GABRA2: variants seen among roughly 807,000 people sequenced by gnomAD.
GABRA2 encodes gamma-aminobutyric acid receptor subunit alpha-2.
GABRA2 carries 16 observed loss-of-function variants against 48.7 expected under a neutral mutation model. That is an observed-to-expected ratio of 0.33 (90% CI 0.22 to 0.50). GABRA2 has a LOEUF of 0.50. Ranked by LOEUF, GABRA2 falls within the 20% of genes least tolerant of loss-of-function variation. GABRA2 has a pLI of 0.98. For synonymous variants in GABRA2, 185 were observed against 184.5 expected (o/e 1.00, Z -0.02); for missense variants, 275 against 535.6 (o/e 0.51, Z 4.80).
chr4:46,300,607 T>G lies in GABRA2; in HGVS notation c.856+2853A>C, dbSNP rs550654526. Among the ~76,000 whole-genome samples, 87 of 152,152 alleles carry G rather than the reference T, an allele frequency of 5.7e-4. 1 individual carries two copies. Among genetic ancestry groups the G allele is most frequent in the African/African-American group, 2.0e-3 (83 of 41,560 alleles). On this transcript the variant is annotated intron_variant, in intron 8 of 9. Coordinates refer to ENST00000381620, the MANE Select transcript of GABRA2 (RefSeq NM_000807.4). Reference sequence around the variant, plus strand: ...TTTCTATTGTCTACTGAACATCAAATTGATACTATAAGGAACATCAAAATA... The same window carrying G: ...TTTCTATTGTCTACTGAACATCAAAGTGATACTATAAGGAACATCAAAATA...
At chr4:46,291,663 G>C (rs1170009998) in intron 8 of GABRA2, among the ~76,000 whole-genome samples, 1 of 151,902 alleles carries the variant, frequency 6.6e-6, no homozygotes, top group East Asian at 1.9e-4. Flanking sequence ...CGCACCCCAA[G>C]TTCTTCAGCT....
chr4:46,296,089 T>G (rs1724586967), intron 8 of GABRA2, among the ~76,000 whole-genome samples: 1 of 152,084 alleles, frequency 6.6e-6, no homozygotes, highest in Non-Finnish European at 1.5e-5. Flanking sequence ...GCCAACTAGG[T>G]GACAATACTT....
intron 4 of GABRA2, among the ~76,000 whole-genome samples, chr4:46,327,013 A>G (rs1324158340): frequency 6.6e-6 from 1 of 151,930 alleles, no homozygotes; most frequent in Admixed American, 6.6e-5. Context: ...GAACTTTTAA[A>G]TCTTTTCAGT....
At chr4:46,253,903 A>G (rs1715295207) in intron 9 of GABRA2, among the ~76,000 whole-genome samples, 1 of 151,514 alleles carries the variant, frequency 6.6e-6, no homozygotes, top group Admixed American at 6.6e-5. Flanking sequence ...TAAAAGTAAT[A>G]ACTGCAAATC....
chr4:46,312,809 C>T, intron 4 of GABRA2, 93 bp from the exon 5 acceptor site: 1 of 662,736 alleles, frequency 1.5e-6, no homozygotes. Context: ...TTAATTTAAA[C>T]AGAGAGAGCT....
At chr4:46,273,900 T>G (rs1719980258) in intron 8 of GABRA2, among the ~76,000 whole-genome samples, 1 of 152,172 alleles carries the variant, frequency 6.6e-6, no homozygotes, top group African/African-American at 2.4e-5. Context: ...GTTCCCGAGT[T>G]TAAGGGCATC....
chr4:46,258,253 T>C (rs1184282783), intron 9 of GABRA2, among the ~76,000 whole-genome samples: 1 of 151,758 alleles, frequency 6.6e-6, no homozygotes, highest in African/African-American at 2.4e-5. Flanking sequence ...AAGTGATGTG[T>C]TAAACAAAAA....
intron 6 of GABRA2, among the ~76,000 whole-genome samples, chr4:46,308,334 G>C (rs2109662719): frequency 6.6e-6 from 1 of 152,256 alleles, no homozygotes; most frequent in Admixed American, 6.5e-5. Context: ...TGCTTCTTTT[G>C]ATTGAGGACA....
chr4:46,278,777 G>C (rs113500044), intron 8 of GABRA2, among the ~76,000 whole-genome samples: 1,889 of 151,974 alleles, frequency 0.012, 44 homozygotes, highest in African/African-American at 0.043. Flanking sequence ...AGTATTTCTA[G>C]CTTTAAATAA....
At chr4:46,327,138 A>C (rs1302465348) in intron 4 of GABRA2, among the ~76,000 whole-genome samples, 1 of 151,888 alleles carries the variant, frequency 6.6e-6, no homozygotes, top group Non-Finnish European at 1.5e-5. Flanking sequence ...AAATTATTGG[A>C]TCATAGAACT....
chr4:46,373,053 G>A (rs940342329), intron 3 of GABRA2, among the ~76,000 whole-genome samples: 18 of 152,174 alleles, frequency 1.2e-4, no homozygotes, highest in African/African-American at 3.9e-4. Context: ...CCCTGGAACT[G>A]GTGGCAATCA....
intron 9 of GABRA2, among the ~76,000 whole-genome samples, chr4:46,251,022 C>T (rs1433712120): frequency 6.6e-6 from 1 of 151,524 alleles, no homozygotes; most frequent in Non-Finnish European, 1.5e-5. Context: ...AGCTTAGTAA[C>T]AGGATTCCCT....
intron 9 of GABRA2, among the ~76,000 whole-genome samples, chr4:46,251,392 A>G (rs1447582207): frequency 6.6e-6 from 1 of 151,430 alleles, no homozygotes; most frequent in Admixed American, 6.6e-5. Flanking sequence ...GAATGAAAAC[A>G]ACATTTTTTT....
intron 1 of GABRA2, chr4:46,389,226 A>G (rs1346148712): frequency 1.0e-6 from 1 of 986,686 alleles, no homozygotes; most frequent in Non-Finnish European, 1.2e-6. Context: ...CAATTACTCT[A>G]CATTACAGTG....
At chr4:46,368,553 T>C (rs1266114462) in intron 3 of GABRA2, 2 of 161,514 alleles carry the variant, frequency 1.2e-5, no homozygotes, top group Admixed American at 6.2e-5. Context: ...CAAATCTGAA[T>C]GAGTCTTTGA....
intron 4 of GABRA2, among the ~76,000 whole-genome samples, chr4:46,323,118 A>G (rs1290364757): frequency 2.6e-5 from 4 of 151,998 alleles, no homozygotes; most frequent in Non-Finnish European, 5.9e-5. Flanking sequence ...GCATGCAATT[A>G]TAATTTGTCT....
At chr4:46,315,800 A>T (rs570338678) in intron 4 of GABRA2, among the ~76,000 whole-genome samples, 29 of 152,034 alleles carry the variant, frequency 1.9e-4, no homozygotes, top group African/African-American at 7.0e-4. Flanking sequence ...ACCTAGCAGA[A>T]ATGTCATCAC....
chr4:46,286,652 T>G (rs1367948788), intron 8 of GABRA2, among the ~76,000 whole-genome samples: 3 of 152,328 alleles, frequency 2.0e-5, no homozygotes, highest in Non-Finnish European at 2.9e-5. Flanking sequence ...CTAGTGGTTA[T>G]GAAATGTATC....
intron 9 of GABRA2, among the ~76,000 whole-genome samples, chr4:46,252,430 T>G (rs373202083): frequency 2.6e-5 from 4 of 151,494 alleles, no homozygotes; most frequent in African/African-American, 9.7e-5. Context: ...AGGTGACATC[T>G]CTGACAAACC....
Sources: allele counts gnomAD v4.1 joint callset (sites outside exome capture counted in the v4.1 genomes callset), GRCh38; gene constraint gnomAD v4.1.1; transcripts MANE v1.5; gene names NCBI Gene and HGNC (gene_info 2026-07-23, HGNC 2026-07-21).